The following ZFHX3 variants were observed in gnomAD, a reference collection of about 807,000 sequenced individuals.
ZFHX3 encodes zinc finger homeobox protein 3.
ZFHX3 carries 42 observed loss-of-function variants against 279.1 expected under a neutral mutation model. That is an observed-to-expected ratio of 0.15 (90% confidence interval 0.12 to 0.19). The LOEUF is 0.19. ZFHX3 is among the 10% of genes least tolerant of loss of function. ZFHX3 has a pLI of 1.00. For missense variants in ZFHX3, 4,981 were observed against 4,754.0 expected (o/e 1.05, Z -1.40); for synonymous variants, 2,293 against 1,957.8 (o/e 1.17, Z -4.52).
intron 4 of ZFHX3, among the ~76,000 whole-genome samples, chr16:72,847,706 C>A (rs1162190373): frequency 6.6e-6 from 1 of 151,804 alleles, no homozygotes; most frequent in Non-Finnish European, 1.5e-5. Context: ...AGGGACACCC[C>A]AAAAGGCAAG....
At chr16:73,001,361 T>A (rs367645954) in intron 1 of ZFHX3, among the ~76,000 whole-genome samples, 1 of 152,158 alleles carries the variant, frequency 6.6e-6, no homozygotes, top group Admixed American at 6.5e-5. Flanking sequence ...GGTAAACACT[T>A]TGACCTTGCA....
intron 7 of ZFHX3, among the ~76,000 whole-genome samples, chr16:73,105,380 TATACAC>T (rs780367937): frequency 0.038 from 1,679 of 44,042 alleles, 73 homozygotes; most frequent in African/African-American, 0.14. Context: ...CATATATATA[TATACAC>T]ACACACACAT....
chr16:73,400,233 T>C (rs1256050208), intron 3 of ZFHX3: 2 of 152,214 alleles, frequency 1.3e-5, no homozygotes, highest in African/African-American at 4.8e-5. Flanking sequence ...TTACTTCCCA[T>C]TCTCATAAGC....
At chr16:73,852,965 AAAACAAACAAACAAAC>A (rs60093693) in intron 1 of ZFHX3, among the ~76,000 whole-genome samples, 1 of 151,220 alleles carries the variant, frequency 6.6e-6, no homozygotes, top group Non-Finnish European at 1.5e-5. Context: ...CTCAACAAGT[AAAACAAACAAACAAAC>A]AAACAAACAA....
intron 3 of ZFHX3, among the ~76,000 whole-genome samples, chr16:72,928,555 C>T (rs1462482642): frequency 6.6e-6 from 1 of 152,136 alleles, no homozygotes; most frequent in Non-Finnish European, 1.5e-5. Context: ...GCCCAAGCTC[C>T]ACAGATAAGC....
chr16:73,187,128 G>T (rs1016507394), intron 5 of ZFHX3, among the ~76,000 whole-genome samples: 15 of 137,124 alleles, frequency 1.1e-4, no homozygotes, highest in African/African-American at 3.8e-4. Context: ...GCGGGGGGAT[G>T]GACAAGTTGT....
At chr16:73,122,213 C>CT (rs34338561) in intron 7 of ZFHX3, among the ~76,000 whole-genome samples, 15 of 147,590 alleles carry the variant, frequency 1.0e-4, no homozygotes, top group Middle Eastern at 3.4e-3. Flanking sequence ...TACAACTGCT[C>CT]TTTTTTTTTT....
intron 2 of ZFHX3, among the ~76,000 whole-genome samples, chr16:73,599,831 G>C (rs991923120): frequency 2.0e-5 from 3 of 152,010 alleles, no homozygotes; most frequent in African/African-American, 7.2e-5. Context: ...AAAAAGATGA[G>C]GCCTCTCTTT....
chr16:73,846,698 T>C (rs1319556661), intron 1 of ZFHX3, among the ~76,000 whole-genome samples: 1 of 152,188 alleles, frequency 6.6e-6, no homozygotes, highest in Non-Finnish European at 1.5e-5. Flanking sequence ...GTGATATTCC[T>C]ACGGTGGAAG....
At chr16:73,647,414 G>A (rs1218050796) in intron 2 of ZFHX3, among the ~76,000 whole-genome samples, 1 of 152,166 alleles carries the variant, frequency 6.6e-6, no homozygotes, top group Admixed American at 6.5e-5. Flanking sequence ...TGCTGTTCTC[G>A]TGATAGTGAG....
intron 1 of ZFHX3, among the ~76,000 whole-genome samples, chr16:73,723,889 G>C (rs894350777): frequency 5.9e-5 from 9 of 152,132 alleles, no homozygotes; most frequent in Admixed American, 3.9e-4. Context: ...AGGACACCCT[G>C]ATTATTTAAG....
intron 2 of ZFHX3, among the ~76,000 whole-genome samples, chr16:73,515,390 C>T (rs952157106): frequency 6.6e-6 from 1 of 151,162 alleles, no homozygotes; most frequent in Admixed American, 6.6e-5. Context: ...TGTGGTAGGG[C>T]TTAAACTAGG....
intron 5 of ZFHX3, among the ~76,000 whole-genome samples, chr16:73,246,981 A>T (rs1333439178): frequency 6.6e-6 from 1 of 152,176 alleles, no homozygotes; most frequent in Non-Finnish European, 1.5e-5. Flanking sequence ...ATGTATATGT[A>T]TATATGTGTA....
At chr16:73,315,244 C>A (rs1423935057) in intron 4 of ZFHX3, among the ~76,000 whole-genome samples, 3 of 150,752 alleles carry the variant, frequency 2.0e-5, no homozygotes, top group Non-Finnish European at 4.4e-5. Flanking sequence ...GAAAAAAGAG[C>A]ATTTAATATA....
chr16:73,176,625 T>C (rs1042965982), intron 5 of ZFHX3, among the ~76,000 whole-genome samples: 1 of 146,240 alleles, frequency 6.8e-6, no homozygotes, highest in Non-Finnish European at 1.5e-5. Flanking sequence ...TTTTTTTTTT[T>C]CCTTAAACCT....
chr16:73,780,599 G>A (rs147076535), intron 1 of ZFHX3, among the ~76,000 whole-genome samples: 1,808 of 151,824 alleles, frequency 0.012, 40 homozygotes, highest in African/African-American at 0.042. Flanking sequence ...GCGCCACCAC[G>A]CCCAGCTAAT....
At chr16:72,887,804 T>C (rs774341165) in intron 4 of ZFHX3, among the ~76,000 whole-genome samples, 17 of 151,874 alleles carry the variant, frequency 1.1e-4, no homozygotes, top group Non-Finnish European at 2.4e-4. Flanking sequence ...TATGTGGGTA[T>C]GGTGTCTTGT....
intron 7 of ZFHX3, among the ~76,000 whole-genome samples, chr16:73,129,379 G>GACACACACACACACACACACAC (rs59666622): frequency 2.4e-4 from 33 of 137,926 alleles, no homozygotes; most frequent in East Asian, 1.1e-3. Context: ...CAGAGACTCT[G>GACACACACACACACACACACAC]ACACACACAC....
intron 7 of ZFHX3, chr16:73,094,505 A>G (rs751451716): frequency 6.6e-6 from 1 of 150,436 alleles, no homozygotes; most frequent in Non-Finnish European, 1.5e-5. Flanking sequence ...TGCCCAATAC[A>G]TGCCTGTGTT....
Sources: gnomAD v4.1 joint callset for allele counts (sites outside exome capture counted in the v4.1 genomes callset) on GRCh38, gnomAD v4.1.1 for gene constraint, MANE v1.5 for transcripts, NCBI Gene and HGNC (gene_info 2026-07-23, HGNC 2026-07-21) for gene names.